The following CNOT7 variants were observed in gnomAD, a reference collection of about 807,000 sequenced individuals.
CNOT7 encodes BTG1-binding factor 1.
A neutral mutation model predicts 37.1 loss-of-function variants in CNOT7; 4 were observed. The ratio of observed to expected loss-of-function variants is 0.11; its 90% CI spans 0.05 to 0.25. The LOEUF (loss-of-function observed/expected upper bound fraction) is 0.25. Ranked by LOEUF, CNOT7 falls within the 10% of genes least tolerant of loss-of-function variation. The pLI is 1.00. For synonymous variants in CNOT7, 128 were observed against 115.6 expected, an observed-to-expected ratio of 1.11 and a Z score of -0.69; for missense variants, 170 against 336.2, an observed-to-expected ratio of 0.51 and a Z score of 3.87.
rs1306725530 is a variant in CNOT7, at chr8:17,237,328, A to G, written c.357T>C (p.Ser119=). ...CCTCATGTTTTTTAAACTGGATACCAGATGTTGTTAGTAGCTCTATAGAGT... is the reference window on the plus strand; with the variant it reads ...CCTCATGTTTTTTAAACTGGATACCGGATGTTGTTAGTAGCTCTATAGAGT... The part of the protein sequence containing the change: ...AQDSIELLTT[S]GIQFKKHEEE... The change falls in exon 4 of 7, where the codon TCT becomes TCC. Residue 119 remains serine, a synonymous_variant. Coordinates refer to ENST00000361272, the MANE Select transcript of CNOT7 (RefSeq NM_013354.7). 3.1e-6 allele frequency: 5 copies of G among 1,613,948 alleles called. No homozygotes were observed. The highest frequency in any genetic ancestry group is 4.2e-6 in the Non-Finnish European group (5 of 1,179,980).
In CNOT7 at chr8:17,230,164, A is replaced by T. The variant is rs1808442805; in HGVS notation, c.*556T>A. ...GTTTCGCTGAATCGACAGTTTGCACAACGTGCTATATTCTGTGGGTCAAAA... is the reference window on the plus strand; with the variant it reads ...GTTTCGCTGAATCGACAGTTTGCACTACGTGCTATATTCTGTGGGTCAAAA... On this transcript the variant is annotated 3_prime_UTR_variant, in exon 7 of 7. Transcript: ENST00000361272. 1.3e-5 allele frequency: 2 copies of T among 152,520 alleles called. No homozygotes were observed. The highest frequency in any genetic ancestry group is 6.6e-5 in the Admixed American group (1 of 15,264). The allele number at this position is 152,520 out of a possible 1,614,324, so 9.4% of individuals were successfully genotyped here.
At chr8:17,243,416 T>C (rs1272745697) in intron 2 of CNOT7, 25 of 639,806 alleles carry the variant, frequency 3.9e-5, no homozygotes, top group East Asian at 2.8e-4. Flanking sequence ...ACGAGATACA[T>C]GTGATAAATT....
chr8:17,234,628 T>G (rs1201234300), intron 5 of CNOT7, 88 bp downstream of exon 5: 2 of 1,391,056 alleles, frequency 1.4e-6, no homozygotes, highest in Non-Finnish European at 2.0e-6. Context: ...TAAAATATGG[T>G]TTAAAACAAC....
rs372966821 is a variant in CNOT7, at chr8:17,225,736, CGTT to C, written c.*4981_*4983del. The C allele has an allele frequency of 3.9e-3, 591 of 151,666 alleles. 1 individual carries two copies. The highest frequency in any genetic ancestry group is 0.019 in the East Asian group (96 of 5,182). The allele number at this position is 151,666 out of a possible 1,614,324, so 9.4% of individuals were successfully genotyped here. On this transcript the variant is annotated 3_prime_UTR_variant, in exon 7 of 7. Transcript: ENST00000361272. ...TAATAGAAAAATAAATGACAGGTAA[CGTT>C]GTTATAAAAGAAACTCTCATATAAA...
In CNOT7 at chr8:17,245,132, A is replaced by G. The variant is rs1333395925; in HGVS notation, c.21T>C (p.Asp7=). ...AAACTTCACAAATTCTTTGGCTATG[A>G]TCTACAGTTGCCGCTGGCATAGTGA... MPAATV[D]HSQRICEVWA... The change falls in exon 2 of 7, where the codon GAT becomes GAC. Residue 7 remains aspartate, a synonymous_variant. Coordinates refer to ENST00000361272, the MANE Select transcript of CNOT7 (RefSeq NM_013354.7). 5 of 1,613,464 alleles carry G rather than the reference A, an allele frequency of 3.1e-6. No individual in the cohort carries two copies. The South Asian group carries it at 4.4e-5, about 14-fold the overall frequency.
intron 3 of CNOT7, 81 bp from the exon 4 acceptor site, chr8:17,237,454 C>T (rs1252328777): frequency 2.3e-6 from 3 of 1,323,198 alleles, no homozygotes; most frequent in African/African-American, 1.5e-5. Flanking sequence ...TCTATAACTA[C>T]AGTGCCAGAA....
At chr8:17,235,760 A>G (rs1453422915) in intron 4 of CNOT7, among the ~76,000 whole-genome samples, 1 of 152,202 alleles carries the variant, frequency 6.6e-6, no homozygotes, top group Non-Finnish European at 1.5e-5. Flanking sequence ...ATTCTTCATT[A>G]CTTGAAATTA....
intron 3 of CNOT7, chr8:17,241,256 C>T (rs1190879697): frequency 6.6e-6 from 1 of 151,354 alleles, no homozygotes; most frequent in African/African-American, 2.4e-5. Context: ...TACACAGCCA[C>T]CATGCCTGGC....
At chr8:17,244,181 T>A (rs1007460952) in intron 2 of CNOT7, 1 of 159,996 alleles carries the variant, frequency 6.3e-6, no homozygotes. Flanking sequence ...TAGAAAACAG[T>A]AGGGTAGCTA....
intron 1 of CNOT7, 44 bp from the exon 2 acceptor site, chr8:17,245,291 C>T: frequency 6.0e-6 from 5 of 833,498 alleles, no homozygotes; most frequent in Non-Finnish European, 8.5e-6. Context: ...TATATCAAAT[C>T]TGAATCACAG....
chr8:17,234,624 A>G (rs1268247516), intron 5 of CNOT7, 92 bp downstream of exon 5: 25 of 1,319,598 alleles, frequency 1.9e-5, no homozygotes, highest in Non-Finnish European at 2.7e-5. Context: ...ACTTTAAAAT[A>G]TGGTTTAAAA....
Position 17,225,646 on chromosome 8 carries a change from T to C in CNOT7, c.*5074A>G, listed in dbSNP as rs572452981. On this transcript the variant is annotated 3_prime_UTR_variant, in exon 7 of 7. Coordinates refer to ENST00000361272, the MANE Select transcript of CNOT7 (RefSeq NM_013354.7). ...TTCTATGGTGACATTTTTTTAACTTTCAAAACCTGAAATGAAAATTCTGCA... is the reference window on the plus strand; with the variant it reads ...TTCTATGGTGACATTTTTTTAACTTCCAAAACCTGAAATGAAAATTCTGCA... The C allele has an allele frequency of 6.6e-6, 1 of 151,952 alleles. No individual in the cohort carries two copies. Among genetic ancestry groups the C allele is most frequent in the South Asian group, 2.1e-4 (1 of 4,824 alleles). The allele number at this position is 151,952 out of a possible 1,614,324, so 9.4% of individuals were successfully genotyped here. A position where few individuals can be genotyped will look rare whatever the true frequency, so the allele number is the denominator to read the frequency against.
Position 17,225,527 on chromosome 8 carries a change from C to T in CNOT7, c.*5193G>A, listed in dbSNP as rs1352892467. ...ATTGCTCAATTGCTTTTATACTAAA[C>T]GTTAAATGTAACTAATGCTGTAGAA... On this transcript the variant is annotated 3_prime_UTR_variant, in exon 7 of 7. Coordinates refer to ENST00000361272, the MANE Select transcript of CNOT7 (RefSeq NM_013354.7). 1.3e-5 allele frequency: 2 copies of T among 151,628 alleles called. No individual in the cohort carries two copies. The highest frequency in any genetic ancestry group is 6.6e-5 in the Admixed American group (1 of 15,200). 9.4% of individuals were successfully genotyped at this position (151,628 alleles called of 1,614,324 possible).
intron 5 of CNOT7, 122 bp from the exon 6 acceptor site, chr8:17,232,659 TA>T (rs1563189256): frequency 7.8e-6 from 6 of 772,574 alleles, no homozygotes; most frequent in Non-Finnish European, 1.3e-5. Flanking sequence ...GTGAATCTTA[TA>T]AAGATTGGGG....
chr8:17,238,016 C>T (rs1462462929), intron 3 of CNOT7, among the ~76,000 whole-genome samples: 1 of 152,170 alleles, frequency 6.6e-6, no homozygotes, highest in Non-Finnish European at 1.5e-5. Flanking sequence ...CTTATAAAAT[C>T]AAGCCAGGAA....
Position 17,246,822 on chromosome 8 carries a change from C to G in CNOT7, c.-243G>C, listed in dbSNP as rs1393302638. The G allele has an allele frequency of 9.0e-6, 2 of 221,964 alleles. No individual in the cohort carries two copies. The highest frequency in any genetic ancestry group is 5.0e-5 in the South Asian group (1 of 20,112). 13.7% of individuals were successfully genotyped at this position (221,964 alleles called of 1,614,324 possible). On this transcript the variant is annotated 5_prime_UTR_variant, in exon 1 of 7. Transcript: ENST00000361272. ...CAGCGAAGGGAAAGGCGAGCAGGAG[C>G]TGCGCCGCACCGTGCTGCGCCGTCG... is the stretch of plus-strand genomic sequence containing the variant.
rs1240092493 is a variant in CNOT7 at position 17,228,488 on chromosome 8, C to T, written c.*2232G>A. ...AAGATGCATTTAATGCAGGCAACAG[C>T]ATACAGTCCCCCAATTTACGATGGT... On this transcript the variant is annotated 3_prime_UTR_variant, in exon 7 of 7. Coordinates refer to ENST00000361272, the MANE Select transcript of CNOT7 (RefSeq NM_013354.7). The T allele has an allele frequency of 6.6e-6, 1 of 151,932 alleles. No homozygotes were observed. The highest frequency in any genetic ancestry group is 2.4e-5 in the African/African-American group (1 of 41,418). 9.4% of individuals were successfully genotyped at this position (151,932 alleles called of 1,614,324 possible). A position where few individuals can be genotyped will look rare whatever the true frequency, so the allele number is the denominator to read the frequency against.
intron 3 of CNOT7, among the ~76,000 whole-genome samples, chr8:17,239,977 T>C (rs1457965683): frequency 6.6e-6 from 1 of 152,172 alleles, no homozygotes; most frequent in Non-Finnish European, 1.5e-5. Context: ...ACTTAGGCAA[T>C]AGAGAGAAAA....
chr8:17,241,202 G>C (rs1051462127), intron 3 of CNOT7: 1 of 151,818 alleles, frequency 6.6e-6, no homozygotes, highest in African/African-American at 2.4e-5. Context: ...TGTACCTGTA[G>C]TGCTAGCTAC....
Sources: gnomAD v4.1 joint callset for allele counts (sites outside exome capture counted in the v4.1 genomes callset) on GRCh38, gnomAD v4.1.1 for gene constraint, MANE v1.5 for transcripts, NCBI Gene and HGNC (gene_info 2026-07-23, HGNC 2026-07-21) for gene names.